The following CELF4 variants were observed in gnomAD, a reference collection of about 807,000 sequenced individuals.
The protein encoded by CELF4 is CUG-BP- and ETR-3-like factor 4.
CELF4 carries 18 observed loss-of-function variants against 59.9 expected under a neutral mutation model. That is an observed-to-expected ratio of 0.30 (90% CI 0.21 to 0.45). CELF4 has a LOEUF of 0.45. Ranked by LOEUF, CELF4 falls within the 20% of genes least tolerant of loss-of-function variation. The probability of loss-of-function intolerance (pLI) is 1.00; values close to 1 mark genes in which losing one functional copy is unlikely to be tolerated. For missense variants in CELF4, 456 were observed against 689.0 expected (o/e 0.66, Z 3.79); for synonymous variants, 261 against 267.1 (o/e 0.98, Z 0.22).
intron 1 of CELF4, among the ~76,000 whole-genome samples, chr18:37,530,960 A>G (rs1310904037): frequency 6.7e-6 from 1 of 149,460 alleles, no homozygotes; most frequent in African/African-American, 2.5e-5. Context: ...TGATGCTGCC[A>G]GTAGTATCTT....
intron 3 of CELF4, among the ~76,000 whole-genome samples, chr18:37,300,726 T>C (rs770964742): frequency 6.6e-6 from 1 of 152,210 alleles, no homozygotes; most frequent in Non-Finnish European, 1.5e-5. Context: ...TAGTGATATA[T>C]GCCATGAATA....
At chr18:37,549,380 A>AG (rs1341053589) in intron 1 of CELF4, among the ~76,000 whole-genome samples, 1 of 152,022 alleles carries the variant, frequency 6.6e-6, no homozygotes, top group Non-Finnish European at 1.5e-5. Flanking sequence ...AGGGAAAAAA[A>AG]CTCCTACTCC....
At chr18:37,288,185 C>A (rs375378310) in intron 3 of CELF4, among the ~76,000 whole-genome samples, 1 of 152,216 alleles carries the variant, frequency 6.6e-6, no homozygotes. Context: ...TTCTCTTTGA[C>A]GTTTTCCTGA....
At chr18:37,308,457 G>A (rs761877039) in intron 3 of CELF4, among the ~76,000 whole-genome samples, 7 of 152,164 alleles carry the variant, frequency 4.6e-5, no homozygotes, top group Non-Finnish European at 1.0e-4. Flanking sequence ...GCGGGCACAG[G>A]CCACCCCTCT....
intron 3 of CELF4, among the ~76,000 whole-genome samples, 192 bp downstream of exon 3, chr18:37,321,610 AC>A (rs1347695565): frequency 6.7e-6 from 1 of 149,416 alleles, no homozygotes; most frequent in Non-Finnish European, 1.5e-5. Flanking sequence ...GACCCCAAAC[AC>A]CCCCCTTCCC....
At chr18:37,415,604 GA>G (rs2099521107) in intron 2 of CELF4, among the ~76,000 whole-genome samples, 1 of 152,214 alleles carries the variant, frequency 6.6e-6, no homozygotes, top group African/African-American at 2.4e-5. Flanking sequence ...AACTTTAAGA[GA>G]AGTGGAAAAT....
intron 1 of CELF4, among the ~76,000 whole-genome samples, chr18:37,505,706 C>T (rs1428710519): frequency 6.6e-6 from 1 of 152,222 alleles, no homozygotes; most frequent in Non-Finnish European, 1.5e-5. Flanking sequence ...CTACCACTTC[C>T]TGGCTATGTG....
intron 7 of CELF4, among the ~76,000 whole-genome samples, chr18:37,271,341 A>G (rs1662912): frequency 0.51 from 73,393 of 144,394 alleles, 18,485 homozygotes; most frequent in African/African-American, 0.58. Context: ...TGCAACCTCC[A>G]CCTCCTGGGT....
intron 1 of CELF4, among the ~76,000 whole-genome samples, chr18:37,532,126 C>G (rs2099970057): frequency 6.6e-6 from 1 of 152,222 alleles, no homozygotes; most frequent in Admixed American, 6.5e-5. Context: ...TAGCACCTCT[C>G]TGCTGTTACT....
intron 2 of CELF4, among the ~76,000 whole-genome samples, chr18:37,412,445 C>A (rs930221788): frequency 4.6e-5 from 7 of 152,066 alleles, no homozygotes; most frequent in Non-Finnish European, 1.0e-4. Flanking sequence ...TGGATGGATG[C>A]ATGCATGCAT....
At chr18:37,403,088 T>C (rs953338224) in intron 2 of CELF4, among the ~76,000 whole-genome samples, 1 of 151,620 alleles carries the variant, frequency 6.6e-6, no homozygotes, top group Non-Finnish European at 1.5e-5. Context: ...CAAAGATGCC[T>C]AATCTGAGAC....
intron 11 of CELF4, among the ~76,000 whole-genome samples, chr18:37,256,633 TAG>T (rs2069670305): frequency 6.6e-6 from 1 of 152,216 alleles, no homozygotes; most frequent in South Asian, 2.1e-4. Context: ...GTCACCAGGC[TAG>T]AGTGCAGTGG....
intron 2 of CELF4, among the ~76,000 whole-genome samples, chr18:37,335,484 T>C (rs911724260): frequency 7.6e-6 from 1 of 131,974 alleles, no homozygotes; most frequent in African/African-American, 3.4e-5. Context: ...GTGCATGCAG[T>C]GTGTGTGTGT....
Position 37,562,450 on chromosome 18 carries a change from A to T in CELF4, c.286+2906T>A, listed in dbSNP as rs999616784. ...CCAGTGTCCTGTGTCTCTCAATTTG[A>T]TCCTGTATGATTCATTAGAAGTTAG... On this transcript the variant is annotated intron_variant, in intron 1 of 12. Transcript: ENST00000420428. 6.6e-5 allele frequency among the ~76,000 whole-genome samples: 10 copies of T among 150,566 alleles called. 1 individual carries two copies. In the East Asian group the frequency reaches 2.0e-3, roughly 29 times the overall value.
At chr18:37,381,919 A>G (rs1429819986) in intron 2 of CELF4, among the ~76,000 whole-genome samples, 2 of 152,186 alleles carry the variant, frequency 1.3e-5, no homozygotes, top group Non-Finnish European at 2.9e-5. Flanking sequence ...CAAGCAGGGA[A>G]GAAGACACAA....
At chr18:37,414,576 C>G (rs1380662997) in intron 2 of CELF4, among the ~76,000 whole-genome samples, 2 of 147,066 alleles carry the variant, frequency 1.4e-5, no homozygotes, top group African/African-American at 2.5e-5. Flanking sequence ...ATCTCGGCTG[C>G]AAGCTCTGCC....
chr18:37,482,722 G>A (rs912355192), intron 2 of CELF4, among the ~76,000 whole-genome samples: 1 of 152,060 alleles, frequency 6.6e-6, no homozygotes, highest in African/African-American at 2.4e-5. Flanking sequence ...TTTTGTTATT[G>A]TTGCTCATAG....
intron 1 of CELF4, among the ~76,000 whole-genome samples, chr18:37,551,133 G>T (rs1282676150): frequency 6.6e-6 from 1 of 152,156 alleles, no homozygotes; most frequent in Admixed American, 6.5e-5. Flanking sequence ...CAACACTAGT[G>T]ACGTCCATAT....
intron 3 of CELF4, among the ~76,000 whole-genome samples, chr18:37,281,102 G>A (rs913939940): frequency 1.3e-5 from 2 of 152,226 alleles, no homozygotes; most frequent in Admixed American, 1.3e-4. Flanking sequence ...TAAAAGGAAA[G>A]CCCAGGGCAC....
Sources: gnomAD v4.1 joint callset for allele counts (sites outside exome capture counted in the v4.1 genomes callset) on GRCh38, gnomAD v4.1.1 for gene constraint, MANE v1.5 for transcripts, NCBI Gene and HGNC (gene_info 2026-07-23, HGNC 2026-07-21) for gene names.